LHFPL3: variants seen among roughly 807,000 people sequenced by gnomAD.
LHFPL3 encodes the protein LHFPL tetraspan subfamily member 3 protein.
A neutral mutation model predicts 19.3 loss-of-function variants in LHFPL3; 5 were observed. That is an observed-to-expected ratio of 0.26 (90% CI 0.14 to 0.54). The LOEUF (loss-of-function observed/expected upper bound fraction) is 0.54. LHFPL3 is among the 20% of genes least tolerant of loss of function. LHFPL3 has a pLI of 0.94. For missense variants in LHFPL3, 249 were observed against 307.4 expected, an observed-to-expected ratio of 0.81 and a Z score of 1.42; for synonymous variants, 133 against 126.2, an observed-to-expected ratio of 1.05 and a Z score of -0.36.
chr7:104,374,775 G>A (rs1038442136), intron 1 of LHFPL3, among the ~76,000 whole-genome samples: 1 of 152,182 alleles, frequency 6.6e-6, no homozygotes, highest in Admixed American at 6.5e-5. Flanking sequence ...TACTAGAAGT[G>A]TGAGTTCCTC....
intron 1 of LHFPL3, among the ~76,000 whole-genome samples, chr7:104,652,989 T>G (rs1792058619): frequency 6.6e-6 from 1 of 152,206 alleles, no homozygotes; most frequent in Admixed American, 6.5e-5. Flanking sequence ...GTTAGGCTCC[T>G]ACTTTTCCAC....
intron 1 of LHFPL3, among the ~76,000 whole-genome samples, chr7:104,684,698 A>G (rs1366991757): frequency 6.6e-6 from 1 of 152,176 alleles, no homozygotes; most frequent in East Asian, 1.9e-4. Context: ...CACCCTGGAA[A>G]AAGTCAGTTG....
At chr7:104,904,220 A>G (rs1792551077) in intron 2 of LHFPL3, among the ~76,000 whole-genome samples, 1 of 152,230 alleles carries the variant, frequency 6.6e-6, no homozygotes, top group Non-Finnish European at 1.5e-5. Context: ...CATTAAGATC[A>G]TAATGTGGAT....
intron 1 of LHFPL3, among the ~76,000 whole-genome samples, chr7:104,355,795 G>C (rs993024002): frequency 3.3e-5 from 5 of 152,148 alleles, no homozygotes; most frequent in African/African-American, 1.2e-4. Flanking sequence ...AGCGGCAAAG[G>C]CTCTTCCTCC....
intron 1 of LHFPL3, among the ~76,000 whole-genome samples, chr7:104,511,653 G>A (rs1219286880): frequency 6.6e-6 from 1 of 152,126 alleles, no homozygotes. Flanking sequence ...GGAGCAAATT[G>A]TTGATACATG....
intron 1 of LHFPL3, among the ~76,000 whole-genome samples, chr7:104,705,354 G>T (rs1022879196): frequency 6.6e-6 from 1 of 151,854 alleles, no homozygotes; most frequent in African/African-American, 2.4e-5. Context: ...TTCGTTATTT[G>T]TTCTACCAGG....
At chr7:104,791,150 C>G (rs1790015307) in intron 2 of LHFPL3, among the ~76,000 whole-genome samples, 1 of 152,124 alleles carries the variant, frequency 6.6e-6, no homozygotes, top group African/African-American at 2.4e-5. Flanking sequence ...CTCCAGTAAC[C>G]AAGTTATCAC....
intron 1 of LHFPL3, among the ~76,000 whole-genome samples, chr7:104,360,741 GTA>G (rs918711497): frequency 1.6e-5 from 2 of 126,184 alleles, no homozygotes; most frequent in African/African-American, 3.2e-5. Context: ...GTGTGTGTGT[GTA>G]TACATTTACA....
intron 2 of LHFPL3, among the ~76,000 whole-genome samples, chr7:104,882,766 A>C (rs547011852): frequency 7.2e-5 from 11 of 152,328 alleles, no homozygotes; most frequent in Non-Finnish European, 1.6e-4. Flanking sequence ...TATACTTTTA[A>C]GAGGTGTTTT....
intron 1 of LHFPL3, among the ~76,000 whole-genome samples, chr7:104,651,714 C>T (rs545787768): frequency 9.2e-5 from 14 of 152,234 alleles, no homozygotes; most frequent in Non-Finnish European, 1.8e-4. Flanking sequence ...AGTGGCACTT[C>T]TATGCCTCCA....
chr7:104,680,892 A>T (rs1792681927), intron 1 of LHFPL3, among the ~76,000 whole-genome samples: 1 of 152,204 alleles, frequency 6.6e-6, no homozygotes, highest in South Asian at 2.1e-4. Flanking sequence ...AAGGAGGAAA[A>T]TTTAGCCTGG....
At chr7:104,405,729 T>C (rs1281674029) in intron 1 of LHFPL3, among the ~76,000 whole-genome samples, 2 of 152,220 alleles carry the variant, frequency 1.3e-5, no homozygotes, top group African/African-American at 2.4e-5. Flanking sequence ...GGCAACATTG[T>C]AACTCTAAAT....
chr7:104,835,173 TAATGAG>T (rs1791067141), intron 2 of LHFPL3, among the ~76,000 whole-genome samples: 1 of 151,932 alleles, frequency 6.6e-6, no homozygotes, highest in Non-Finnish European at 1.5e-5. Flanking sequence ...TGATCCTCAC[TAATGAG>T]AATGAGAATA....
chr7:104,876,895 G>A (rs1317090268), intron 2 of LHFPL3, among the ~76,000 whole-genome samples: 2 of 152,180 alleles, frequency 1.3e-5, no homozygotes, highest in Non-Finnish European at 2.9e-5. Context: ...AACAATGATA[G>A]ACTGGATTAA....
chr7:104,525,275 T>C (rs566981180), intron 1 of LHFPL3, among the ~76,000 whole-genome samples: 4 of 152,202 alleles, frequency 2.6e-5, no homozygotes, highest in Non-Finnish European at 5.9e-5. Context: ...ATTCAACTTA[T>C]AACGTGACAT....
intron 1 of LHFPL3, among the ~76,000 whole-genome samples, chr7:104,561,513 T>C (rs1454764857): frequency 6.6e-6 from 1 of 151,090 alleles, no homozygotes; most frequent in Non-Finnish European, 1.5e-5. Flanking sequence ...ACCCCTGCCT[T>C]TTTTTGTTTT....
At chr7:104,519,680 G>C (rs1172394334) in intron 1 of LHFPL3, among the ~76,000 whole-genome samples, 1 of 152,076 alleles carries the variant, frequency 6.6e-6, no homozygotes, top group East Asian at 1.9e-4. Flanking sequence ...AAAATCTGCT[G>C]AACAGGACCA....
rs148601099 is a variant in LHFPL3 at position 104,563,438 on chromosome 7, C to A, written c.446-173237C>A. 2.5e-3 allele frequency among the ~76,000 whole-genome samples: 360 copies of A among 146,134 alleles called. No homozygotes were observed. In the South Asian group the frequency reaches 0.025, roughly 10 times the overall value. On this transcript the variant is annotated intron_variant, in intron 1 of 2. Coordinates refer to ENST00000424859, the MANE Select transcript of LHFPL3 (RefSeq NM_199000.3). ...GCACAGTATTCGGGTGGGAGTGACC[C>A]GATTTTCCAGGTGCCATCCGTCACC... is the stretch of plus-strand genomic sequence containing the variant.
chr7:104,721,339 G>A (rs1256774502), intron 1 of LHFPL3, among the ~76,000 whole-genome samples: 1 of 152,154 alleles, frequency 6.6e-6, no homozygotes, highest in Non-Finnish European at 1.5e-5. Flanking sequence ...ACTGAACAAT[G>A]AGATCACTTG....
Sources: allele counts gnomAD v4.1 joint callset (sites outside exome capture counted in the v4.1 genomes callset), GRCh38; gene constraint gnomAD v4.1.1; transcripts MANE v1.5; gene names NCBI Gene and HGNC (gene_info 2026-07-23, HGNC 2026-07-21).